The following EPS15L1 variants were observed in gnomAD, a reference collection of about 807,000 sequenced individuals.
EPS15L1 encodes the protein epidermal growth factor receptor substrate 15-like 1.
EPS15L1 carries 43 observed loss-of-function variants against 117.1 expected under a neutral mutation model. The observed-to-expected ratio is 0.37, with a 90% confidence interval of 0.29 to 0.47. The LOEUF (loss-of-function observed/expected upper bound fraction) is 0.47, where lower values mean the gene tolerates loss of function less well. EPS15L1 is among the 20% of genes least tolerant of loss of function. EPS15L1 has a pLI of 0.99. For synonymous variants in EPS15L1, 459 were observed against 470.5 expected (o/e 0.98, Z 0.32); for missense variants, 981 against 1,164.0 (o/e 0.84, Z 2.29).
At chr19:16,463,707 C>G (rs1199206285) in intron 1 of EPS15L1, among the ~76,000 whole-genome samples, 1 of 152,164 alleles carries the variant, frequency 6.6e-6, no homozygotes, top group East Asian at 1.9e-4. Flanking sequence ...TTGGGGAAGA[C>G]AGACCATCAA....
chr19:16,417,471 G>GCAAATACC lies in EPS15L1; in HGVS notation c.1193+80_1193+81insGGTATTTG, dbSNP rs749642077. The GCAAATACC allele has an allele frequency of 0.014, 16,486 of 1,215,588 alleles. 895 individuals are homozygous for GCAAATACC. The Admixed American group carries it at 0.15, about 11-fold the overall frequency. The allele number at this position is 1,215,588 out of a possible 1,614,324, so 75.3% of individuals were successfully genotyped here. On this transcript the variant is annotated intron_variant, in intron 12 of 23. Coordinates refer to ENST00000455140, the MANE Select transcript of EPS15L1 (RefSeq NM_001258374.3). ...ACCTGTGATGAGCAAACTTCCAGGT[G>GCAAATACC]AGCCTCTGATATTTCCGATAACAAC... is the stretch of plus-strand genomic sequence containing the variant.
Position 16,417,797 on chromosome 19 carries a change from C to A in EPS15L1, c.1107+151G>T, listed in dbSNP as rs1599613221. Reference sequence around the variant, plus strand: ...CCTGCCTGGGGAAATACCTGGGCAGCCAAGCCACCCTCCCGGGGGCCCCTG... The same window carrying A: ...CCTGCCTGGGGAAATACCTGGGCAGACAAGCCACCCTCCCGGGGGCCCCTG... On this transcript the variant is annotated intron_variant, in intron 11 of 23. Transcript: ENST00000455140. The A allele has an allele frequency of 1.8e-5, 22 of 1,250,732 alleles. No homozygotes were observed. The East Asian group carries it at 5.1e-4, about 29-fold the overall frequency. 77.5% of individuals were successfully genotyped at this position (1,250,732 alleles called of 1,614,324 possible). A position where few individuals can be genotyped will look rare whatever the true frequency, so the allele number is the denominator to read the frequency against.
intron 1 of EPS15L1, among the ~76,000 whole-genome samples, chr19:16,459,085 G>A (rs1042288372): frequency 7.2e-5 from 11 of 152,200 alleles, no homozygotes; most frequent in Admixed American, 3.3e-4. Context: ...AAGTAGCTGC[G>A]TATCTAAACA....
At chr19:16,396,407 G>A (rs760728687) in intron 16 of EPS15L1, among the ~76,000 whole-genome samples, 2 of 152,036 alleles carry the variant, frequency 1.3e-5, no homozygotes, top group Non-Finnish European at 2.9e-5. Context: ...GACTATAGGC[G>A]CGCACCACCA....
In EPS15L1 at chr19:16,437,013, G is replaced by C. The variant is rs376501101; in HGVS notation, c.310-14C>G. ...GCTGGTGTCGTGCTGAGAAGAGAGA[G>C]AAACATTCCTTTGTGGCTGGCACAG... On this transcript the variant is annotated splice_polypyrimidine_tract_variant and intron_variant, in intron 5 of 23. Coordinates refer to ENST00000455140, the MANE Select transcript of EPS15L1 (RefSeq NM_001258374.3). 74 of 1,612,680 alleles carry C rather than the reference G, an allele frequency of 4.6e-5. No homozygotes were observed. In the Middle Eastern group the frequency reaches 4.9e-4, roughly 11 times the overall value.
In EPS15L1 at chr19:16,360,068, T is replaced by G. The variant is rs1487880625; in HGVS notation, c.2586+1711A>C. The stretch of plus-strand genomic sequence containing the variant: ...TGATACCTTGAAACCTTGGGTGTTT[T>G]TTTTTTTTTTATGCTTTTCGAAAAA... On this transcript the variant is annotated intron_variant, in intron 23 of 23. Coordinates refer to ENST00000455140, the MANE Select transcript of EPS15L1 (RefSeq NM_001258374.3). 2.0e-5 allele frequency among the ~76,000 whole-genome samples: 3 copies of G among 151,268 alleles called. 1 individual carries two copies. The highest frequency in any genetic ancestry group is 1.3e-4 in the Admixed American group (2 of 15,210).
At chr19:16,401,030 C>A in intron 16 of EPS15L1, 1 of 985,388 alleles carries the variant, frequency 1.0e-6, no homozygotes, top group Non-Finnish European at 1.2e-6. Flanking sequence ...CAAGAACAGC[C>A]AGGGAGCAAA....
intron 1 of EPS15L1, among the ~76,000 whole-genome samples, chr19:16,454,170 TG>T (rs1393169340): frequency 6.6e-6 from 1 of 152,162 alleles, no homozygotes; most frequent in African/African-American, 2.4e-5. Flanking sequence ...TGCAAGGCAC[TG>T]GAAACAGCAG....
intron 4 of EPS15L1, among the ~76,000 whole-genome samples, chr19:16,438,889 A>C (rs138810242): frequency 6.6e-6 from 1 of 152,098 alleles, no homozygotes; most frequent in Non-Finnish European, 1.5e-5. Flanking sequence ...TCTGTGGTTC[A>C]CCACGATCCC....
intron 19 of EPS15L1, among the ~76,000 whole-genome samples, chr19:16,387,774 A>G (rs766107550): frequency 4.0e-5 from 6 of 151,508 alleles, no homozygotes; most frequent in Non-Finnish European, 5.9e-5. Context: ...TCAAACAAAC[A>G]AAAAAAAACC....
chr19:16,444,851 C>T (rs562917334), intron 1 of EPS15L1, among the ~76,000 whole-genome samples: 2 of 152,028 alleles, frequency 1.3e-5, no homozygotes, highest in African/African-American at 4.8e-5. Context: ...CTCAGCCTCC[C>T]GAGTAGCTGG....
intron 10 of EPS15L1, among the ~76,000 whole-genome samples, chr19:16,419,071 G>A (rs1035227738): frequency 2.0e-5 from 3 of 152,210 alleles, no homozygotes; most frequent in African/African-American, 7.2e-5. Context: ...ATAGCTCTTG[G>A]ATGTCCTGAA....
rs1274826094 is a variant in EPS15L1, at chr19:16,371,612, C to G, written c.2380+5510G>C. Among the ~76,000 whole-genome samples the G allele has an allele frequency of 6.6e-6, 1 of 152,174 alleles. No individual in the cohort carries two copies. Among genetic ancestry groups the G allele is most frequent in the Non-Finnish European group, 1.5e-5 (1 of 68,030 alleles). ...CTGGCTGGTTAGCGGTAGAACTGCGCTGGCTGGTGTCACCGGGCGCTGCAG... is the reference window on the plus strand; with the variant it reads ...CTGGCTGGTTAGCGGTAGAACTGCGGTGGCTGGTGTCACCGGGCGCTGCAG... On this transcript the variant is annotated intron_variant, in intron 22 of 23. Transcript: ENST00000455140. This position sits in a 1 kb window ranked among gnomAD's most constrained non-coding sequence, Gnocchi z 4.7.
rs1330625193 is a variant in EPS15L1 at position 16,375,952 on chromosome 19, T to TA, written c.2380+1169dup. ...TGCAGGACCGAGGGTCACTCGTAAC[T>TA]AGTGAGCTGGGGGCATGCGGAGCCT... is the stretch of plus-strand genomic sequence containing the variant. On this transcript the variant is annotated intron_variant, in intron 22 of 23. Coordinates refer to ENST00000455140, the MANE Select transcript of EPS15L1 (RefSeq NM_001258374.3). 7.2e-5 allele frequency among the ~76,000 whole-genome samples: 11 copies of TA among 152,272 alleles called. No individual in the cohort carries two copies. In the South Asian group the frequency reaches 2.3e-3, roughly 32 times the overall value.
At chr19:16,412,046 T>C (rs747872818) in intron 13 of EPS15L1, among the ~76,000 whole-genome samples, 2 of 152,206 alleles carry the variant, frequency 1.3e-5, no homozygotes, top group Non-Finnish European at 2.9e-5. Flanking sequence ...CCTAATATAA[T>C]GTAAATGCTA....
At chr19:16,466,436 G>T (rs1173652720) in intron 1 of EPS15L1, among the ~76,000 whole-genome samples, 1 of 151,898 alleles carries the variant, frequency 6.6e-6, no homozygotes, top group Non-Finnish European at 1.5e-5. Context: ...AATCCCCACC[G>T]AATGCACTAC....
rs1322901608 is a variant in EPS15L1 at position 16,469,117 on chromosome 19, A to AAGG, written c.33+2793_33+2795dup. On this transcript the variant is annotated intron_variant, in intron 1 of 23. Coordinates refer to ENST00000455140, the MANE Select transcript of EPS15L1 (RefSeq NM_001258374.3). ...GGCCCAGACCACTTTGGGGCATGGC[A>AAGG]AGGAAATGGCCCATTCCAGAGTCCA... Among the ~76,000 whole-genome samples the AAGG allele has an allele frequency of 7.2e-5, 11 of 152,284 alleles. 1 individual carries two copies. The highest frequency in any genetic ancestry group is 2.6e-4 in the African/African-American group (11 of 41,568).
At position 16,355,656 on chromosome 19, in the gene EPS15L1, CCT is replaced by C. The variant is rs1334588985; in HGVS notation, c.*47_*48del. Reference sequence around the variant, plus strand: ...GTATATATAGACATCTGCACTGCCCCCTCTCTGGAACCCGCCCGTGCCCTGTC... The same window carrying C: ...GTATATATAGACATCTGCACTGCCCCCTCTGGAACCCGCCCGTGCCCTGTC... On this transcript the variant is annotated 3_prime_UTR_variant, in exon 24 of 24. Coordinates refer to ENST00000455140, the MANE Select transcript of EPS15L1 (RefSeq NM_001258374.3). 17 of 1,521,786 alleles carry C rather than the reference CCT, an allele frequency of 1.1e-5. No homozygotes were observed. In the Admixed American group the frequency reaches 2.0e-4, roughly 18 times the overall value. The allele number at this position is 1,521,786 out of a possible 1,614,324, so 94.3% of individuals were successfully genotyped here. A position where few individuals can be genotyped will look rare whatever the true frequency, so the allele number is the denominator to read the frequency against.
At chr19:16,433,962 C>CATAA (rs56900530) in intron 7 of EPS15L1, among the ~76,000 whole-genome samples, 25,626 of 148,826 alleles carry the variant, frequency 0.17, 2,566 homozygotes, top group East Asian at 0.33. Flanking sequence ...GACTCCATCT[C>CATAA]ATAAATAAAT....
Sources: gnomAD v4.1 joint callset for allele counts (sites outside exome capture counted in the v4.1 genomes callset) on GRCh38, gnomAD v4.1.1 for gene constraint, Gnocchi (gnomAD v3.1) non-coding constraint, MANE v1.5 for transcripts, NCBI Gene and HGNC (gene_info 2026-07-23, HGNC 2026-07-21) for gene names.